Variants in PPIP5K1 observed in about 807,000 individuals in gnomAD.
PPIP5K1 encodes the protein diphosphoinositol pentakisphosphate kinase 1.
PPIP5K1 carries 6 observed loss-of-function variants against 27.7 expected under a neutral mutation model. The observed-to-expected ratio is 0.22, with a 90% confidence interval of 0.12 to 0.43. PPIP5K1 has a LOEUF of 0.43. Among genes scored for constraint, PPIP5K1 ranks in the 20% least tolerant of loss-of-function variants. The pLI is 1.00. For synonymous variants in PPIP5K1, 145 were observed against 242.6 expected, an observed-to-expected ratio of 0.60 and a Z score of 3.74; for missense variants, 394 against 635.4, an observed-to-expected ratio of 0.62 and a Z score of 4.08.
intron 30 of PPIP5K1, among the ~76,000 whole-genome samples, chr15:43,549,047 AAAAAAAAAAATATATATATATAT>A (rs1434785501): frequency 3.1e-4 from 26 of 82,900 alleles, no homozygotes; most frequent in East Asian, 8.6e-4. Context: ...AAAAAAAAAA[AAAAAAAAAAATATATATATATAT>A]ATATATATAT....
chr15:43,542,430 T>C (rs2080861963), intron 30 of PPIP5K1, among the ~76,000 whole-genome samples: 1 of 151,778 alleles, frequency 6.6e-6, no homozygotes, highest in Admixed American at 6.6e-5. Flanking sequence ...TAGCTCAGAC[T>C]ACAGGCGCAT....
At chr15:43,544,026 G>C (rs2081090039) in intron 30 of PPIP5K1, among the ~76,000 whole-genome samples, 1 of 151,216 alleles carries the variant, frequency 6.6e-6, no homozygotes, top group African/African-American at 2.4e-5. Context: ...TTCTTTTTTT[G>C]CAATTTTAGG....
At chr15:43,561,307 G>A (rs1377786117) in intron 28 of PPIP5K1, among the ~76,000 whole-genome samples, 51 of 108,450 alleles carry the variant, frequency 4.7e-4, no homozygotes, top group African/African-American at 1.4e-3. Flanking sequence ...CTAAAACTCC[G>A]GACTTAGAGA....
At chr15:43,579,378 TTA>T (rs200799351) in intron 10 of PPIP5K1, among the ~76,000 whole-genome samples, 3,062 of 34,062 alleles carry the variant, frequency 0.09, 370 homozygotes, top group African/African-American at 0.095. Flanking sequence ...GGGGCTTCGA[TTA>T]TATACACACA....
chr15:43,558,281 G>A (rs1280304258), intron 30 of PPIP5K1, among the ~76,000 whole-genome samples: 1 of 150,866 alleles, frequency 6.6e-6, no homozygotes, highest in Admixed American at 6.6e-5. Flanking sequence ...AGGCCGGAGT[G>A]TAGTGGTGTG....
intron 30 of PPIP5K1, among the ~76,000 whole-genome samples, chr15:43,552,119 A>G (rs1391979667): frequency 6.6e-6 from 1 of 151,942 alleles, no homozygotes; most frequent in Non-Finnish European, 1.5e-5. Flanking sequence ...GCACTTGGCT[A>G]ATTTTAAAGT....
chr15:43,558,231 A>AT lies in PPIP5K1; in HGVS notation c.3556+563dup, dbSNP rs10710217. Among the ~76,000 whole-genome samples, 682 of 133,812 alleles carry AT rather than the reference A, an allele frequency of 5.1e-3. 4 individuals are homozygous for AT. The highest frequency in any genetic ancestry group is 6.6e-3 in the Non-Finnish European group (412 of 62,014). The allele number at this position is 133,812 out of a possible 152,430, so 87.8% of individuals were successfully genotyped here. A position where few individuals can be genotyped will look rare whatever the true frequency, so the allele number is the denominator to read the frequency against. ...ACCAACATGCTCAGCTAATGTTTGT[A>AT]TTTTTTTTTTTTTTTGAGATGGAGT... On this transcript the variant is annotated intron_variant, in intron 30 of 31. Coordinates refer to ENST00000420765, the MANE Select transcript of PPIP5K1 (RefSeq NM_001394395.1).
At chr15:43,559,999 G>A (rs2083576625) in intron 29 of PPIP5K1, among the ~76,000 whole-genome samples, 1 of 151,844 alleles carries the variant, frequency 6.6e-6, no homozygotes, top group African/African-American at 2.4e-5. Context: ...TACAATTGAG[G>A]CTTCTGTGCC....
At chr15:43,555,185 T>A (rs2082777455) in intron 30 of PPIP5K1, among the ~76,000 whole-genome samples, 1 of 152,108 alleles carries the variant, frequency 6.6e-6, no homozygotes, top group African/African-American at 2.4e-5. Context: ...CAAAACACTA[T>A]TATATTTTCC....
intron 30 of PPIP5K1, among the ~76,000 whole-genome samples, chr15:43,554,613 C>A (rs1250667352): frequency 7.1e-6 from 1 of 141,018 alleles, no homozygotes; most frequent in Non-Finnish European, 1.5e-5. Flanking sequence ...ATATAAGACA[C>A]CTGGCATACA....
intron 30 of PPIP5K1, among the ~76,000 whole-genome samples, chr15:43,549,943 C>G (rs2081984558): frequency 6.6e-6 from 1 of 152,140 alleles, no homozygotes; most frequent in African/African-American, 2.4e-5. Flanking sequence ...TACACTCAAG[C>G]CTGGGTGACA....
rs2079518801 is a variant in PPIP5K1 at position 43,533,799 on chromosome 15, T to C, written c.*875A>G. On this transcript the variant is annotated 3_prime_UTR_variant, in exon 32 of 32. Transcript: ENST00000420765. The stretch of plus-strand genomic sequence containing the variant: ...CCTGATTATCTCTACTACTACAGCA[T>C]CTCCTAAGCCAAACAGCCCCACCAC... The C allele has an allele frequency of 1.3e-5, 2 of 152,086 alleles. No individual in the cohort carries two copies. The highest frequency in any genetic ancestry group is 2.4e-5 in the African/African-American group (1 of 41,382). 9.4% of individuals were successfully genotyped at this position (152,086 alleles called of 1,614,324 possible). A position where few individuals can be genotyped will look rare whatever the true frequency, so the allele number is the denominator to read the frequency against.
Position 43,535,077 on chromosome 15 carries a change from C to T in PPIP5K1, c.4070G>A (p.Cys1357Tyr). 6.2e-7 allele frequency: 1 copy of T among 1,614,032 alleles called. No homozygotes were observed. Among genetic ancestry groups the T allele is most frequent in the Non-Finnish European group, 8.5e-7 (1 of 1,179,994 alleles). ...CTGGCTGATGTGAGGGACCTCCTGG[C>T]ATGTGTGGTTACCATTGTCATGGTT... is the stretch of plus-strand genomic sequence containing the variant. The part of the protein sequence containing the change: ...QENHDNGNHT[C>Y]QEVPHISQPC... Residue 1357 changes from cysteine (C) to tyrosine (Y), a missense_variant, in exon 32 of 32, where the codon TGC (cysteine) becomes TAC (tyrosine). Coordinates refer to ENST00000420765, the MANE Select transcript of PPIP5K1 (RefSeq NM_001394395.1).
At chr15:43,556,055 C>T (rs928252809) in intron 30 of PPIP5K1, among the ~76,000 whole-genome samples, 3 of 152,088 alleles carry the variant, frequency 2.0e-5, no homozygotes, top group Non-Finnish European at 2.9e-5. Flanking sequence ...CGCAGTGACT[C>T]ATGCCTGTAA....
rs765795107 is a variant in PPIP5K1 at position 43,535,318 on chromosome 15, T to C, written c.3829A>G (p.Ser1277Gly). 2 of 1,614,164 alleles carry C rather than the reference T, an allele frequency of 1.2e-6. No individual in the cohort carries two copies. The highest frequency in any genetic ancestry group is 1.7e-6 in the Non-Finnish European group (2 of 1,180,020). Reference protein sequence around the residue: ...GLGLLQETPGSGAQELSIEGE... With the variant: ...GLGLLQETPGGGAQELSIEGE... ...TCTATGGAGAGCTCTTGTGCTCCAC[T>C]CCCAGGGGTCTCCTGGAGCAGCCCA... The change falls in exon 32 of 32, where the codon AGT (serine) becomes GGT (glycine). Residue 1277 changes from serine to glycine, a missense_variant. Around this residue, in one of 4 missense-constraint regions of PPIP5K1, gnomAD observed 379 missense variants for 423.9 expected, o/e 0.89. Coordinates refer to ENST00000420765, the MANE Select transcript of PPIP5K1 (RefSeq NM_001394395.1).
intron 31 of PPIP5K1, chr15:43,536,143 G>C (rs2079815860): frequency 7.8e-7 from 1 of 1,281,422 alleles, no homozygotes; most frequent in Admixed American, 2.3e-5. Context: ...ACCTGGCTGG[G>C]TGCGGTGGCT....
Position 43,539,498 on chromosome 15 carries a change from G to A in PPIP5K1, c.3642C>T (p.Leu1214=). The change falls in exon 31 of 32, where the codon CTC becomes CTT. Residue 1214 remains leucine, a synonymous_variant. Coordinates refer to ENST00000420765, the MANE Select transcript of PPIP5K1 (RefSeq NM_001394395.1). ...AAGGGGGCTTCTCAGAGCGCTGCTG[G>A]AGTTGCAGGGGAGGTGAATGAAGAG... ...PRTLHSPPLQ[L]QQRSEKPPWY... 1 of 1,605,834 alleles carries A rather than the reference G, an allele frequency of 6.2e-7. No individual in the cohort carries two copies. Among genetic ancestry groups the A allele is most frequent in the Non-Finnish European group, 8.5e-7 (1 of 1,174,626 alleles).
intron 30 of PPIP5K1, among the ~76,000 whole-genome samples, chr15:43,539,978 T>A (rs2080445961): frequency 6.6e-6 from 1 of 152,190 alleles, no homozygotes; most frequent in Non-Finnish European, 1.5e-5. Flanking sequence ...AATGGCTGGG[T>A]GCAGTGGCTC....
At chr15:43,553,885 T>A (rs1037690663) in intron 30 of PPIP5K1, among the ~76,000 whole-genome samples, 1 of 152,104 alleles carries the variant, frequency 6.6e-6, no homozygotes, top group Non-Finnish European at 1.5e-5. Flanking sequence ...GACCTTGTGA[T>A]CCACCCGCCT....
Sources: gnomAD v4.1 joint callset for allele counts (sites outside exome capture counted in the v4.1 genomes callset) on GRCh38, gnomAD v4.1.1 for gene constraint, gnomAD v4.1.1 regional missense constraint, MANE v1.5 for transcripts, NCBI Gene and HGNC (gene_info 2026-07-23, HGNC 2026-07-21) for gene names.